MCF2L: variants seen among roughly 807,000 people sequenced by gnomAD.
MCF2L encodes guanine nucleotide exchange factor DBS.
Under a neutral mutation model 153.4 loss-of-function variants are expected in MCF2L, and 97 were observed. The observed-to-expected ratio is 0.63, with a 90% CI of 0.54 to 0.75. The LOEUF (loss-of-function observed/expected upper bound fraction) is 0.75, where lower values mean the gene tolerates loss of function less well. Ranked by LOEUF, MCF2L falls within the 30% of genes least tolerant of loss-of-function variation. MCF2L has a pLI of 0.00. For missense variants in MCF2L, 1,347 were observed against 1,495.2 expected (o/e 0.90, Z 1.64); for synonymous variants, 659 against 632.2 (o/e 1.04, Z -0.64).
intron 26 of MCF2L, chr13:113,090,733 AG>A: frequency 1.0e-6 from 1 of 985,498 alleles, no homozygotes; most frequent in Non-Finnish European, 1.2e-6. Flanking sequence ...AGCGTGGACA[AG>A]GGCTCTTTCC....
intron 3 of MCF2L, chr13:113,043,140 A>C (rs2086606009): frequency 6.6e-6 from 1 of 152,232 alleles, no homozygotes; most frequent in South Asian, 2.1e-4. Flanking sequence ...GTCCAGGGTG[A>C]TGCCTTTGCG....
In MCF2L at chr13:113,088,496, C is replaced by T. The variant is rs74115791; in HGVS notation, c.2768-66C>T. ...AGAGCAACCGCACAGTCCCCCCATG[C>T]GCAAGGTGCCTCGGCGTTGAAGTAA... On this transcript the variant is annotated intron_variant, in intron 24 of 29. Transcript: ENST00000535094. The T allele has an allele frequency of 4.6e-3, 7,442 of 1,604,636 alleles. 255 individuals carry two copies. In the African/African-American group the frequency reaches 0.075, roughly 16 times the overall value.
At chr13:113,039,205 G>C (rs9604013) in intron 3 of MCF2L, among the ~76,000 whole-genome samples, 1 of 152,228 alleles carries the variant, frequency 6.6e-6, no homozygotes, top group African/African-American at 2.4e-5. Flanking sequence ...TAGCACAGAG[G>C]GGGATGGACG....
intron 2 of MCF2L, among the ~76,000 whole-genome samples, chr13:112,935,883 A>T (rs1159428595): frequency 6.6e-6 from 1 of 152,156 alleles, no homozygotes; most frequent in Non-Finnish European, 1.5e-5. Context: ...GGAGGCCAAG[A>T]TGGGGTTGAT....
At chr13:112,912,371 A>AGTG (rs1471583691) in intron 2 of MCF2L, among the ~76,000 whole-genome samples, 2 of 151,786 alleles carry the variant, frequency 1.3e-5, no homozygotes, top group Non-Finnish European at 2.9e-5. Flanking sequence ...GCTGGAGTGC[A>AGTG]GTGGTGCAAT....
chr13:112,982,389 C>A (rs570387568), intron 1 of MCF2L, among the ~76,000 whole-genome samples: 1 of 152,180 alleles, frequency 6.6e-6, no homozygotes, highest in Non-Finnish European at 1.5e-5. Flanking sequence ...CTGGAGCCTG[C>A]GGACTGCAGG....
Position 113,046,842 on chromosome 13 carries a change from A to C in MCF2L, c.369+1481A>C, listed in dbSNP as rs1309039798. On this transcript the variant is annotated intron_variant, in intron 4 of 29. Transcript: ENST00000535094. This position sits in a 1 kb window ranked among gnomAD's most constrained non-coding sequence, Gnocchi z 4.4. ...CGCTTCAGGATGCTTCCAAAAAAGT[A>C]GACGTGTATAGAATCGGTCTTCCTT... 1.4e-5 allele frequency: 5 copies of C among 354,638 alleles called. No homozygotes were observed. The highest frequency in any genetic ancestry group is 2.8e-5 in the Non-Finnish European group (5 of 180,674). 22.0% of individuals were successfully genotyped at this position (354,638 alleles called of 1,614,324 possible). A position where few individuals can be genotyped will look rare whatever the true frequency, so the allele number is the denominator to read the frequency against.
chr13:112,902,907 C>G (rs540589752), intron 2 of MCF2L, among the ~76,000 whole-genome samples: 5 of 152,342 alleles, frequency 3.3e-5, no homozygotes, highest in Middle Eastern at 6.8e-3. Context: ...CAAGCTCAGC[C>G]TGACCTCCTG....
At chr13:112,998,267 G>C (rs1407372786) in intron 1 of MCF2L, among the ~76,000 whole-genome samples, 1 of 152,192 alleles carries the variant, frequency 6.6e-6, no homozygotes, top group Non-Finnish European at 1.5e-5. Context: ...GAACTTAAAC[G>C]TGTGAAAAAG....
At chr13:112,939,460 T>G (rs2081553665) in intron 2 of MCF2L, among the ~76,000 whole-genome samples, 2 of 152,204 alleles carry the variant, frequency 1.3e-5, no homozygotes, top group South Asian at 4.1e-4. Context: ...CAAAGTTGTC[T>G]CTTGGTTATC....
chr13:112,957,784 G>A (rs981145430), intron 2 of MCF2L: 12 of 152,186 alleles, frequency 7.9e-5, no homozygotes, highest in South Asian at 6.2e-4. Context: ...ATCCTAATGT[G>A]GGAATTCTGC....
intron 29 of MCF2L, 58 bp downstream of exon 29, chr13:113,096,711 G>A (rs1454202699): frequency 1.0e-5 from 16 of 1,553,988 alleles, no homozygotes; most frequent in Non-Finnish European, 1.3e-5. Flanking sequence ...GGGCGAGGAA[G>A]CTGCCCCGTG....
intron 2 of MCF2L, among the ~76,000 whole-genome samples, chr13:113,015,820 G>A (rs1218464870): frequency 6.6e-6 from 1 of 152,190 alleles, no homozygotes; most frequent in African/African-American, 2.4e-5. Context: ...AGAAAGCAGG[G>A]GGTCTCTGGA....
intron 2 of MCF2L, among the ~76,000 whole-genome samples, chr13:112,924,228 C>CA (rs1009869693): frequency 9.2e-5 from 14 of 152,110 alleles, no homozygotes; most frequent in African/African-American, 3.4e-4. Context: ...ACAACCCCCC[C>CA]ACGATGTGTC....
At position 113,027,167 on chromosome 13, in the gene MCF2L, G is replaced by A; in HGVS notation, c.278+2409G>A. On this transcript the variant is annotated intron_variant, in intron 3 of 29. Coordinates refer to ENST00000535094, the MANE Select transcript of MCF2L (RefSeq NM_001112732.3). This position sits in a 1 kb window ranked among gnomAD's most constrained non-coding sequence, Gnocchi z 4.8. ...TGCAGCCGTGGCCATTACCGTGAAGGTTCTTCATTCTTCAGTCTTTAAAGA... is the reference window on the plus strand; with the variant it reads ...TGCAGCCGTGGCCATTACCGTGAAGATTCTTCATTCTTCAGTCTTTAAAGA... 4.5e-6 allele frequency: 3 copies of A among 664,466 alleles called. No homozygotes were observed. The highest frequency in any genetic ancestry group is 1.6e-5 in the South Asian group (1 of 60,832). The allele number at this position is 664,466 out of a possible 1,614,324, so 41.2% of individuals were successfully genotyped here.
Position 112,902,855 on chromosome 13 carries a change from C to T in MCF2L, c.169+484C>T, listed in dbSNP as rs1198424971. Among the ~76,000 whole-genome samples the T allele has an allele frequency of 2.0e-5, 3 of 152,302 alleles. No individual in the cohort carries two copies. The South Asian group carries it at 6.2e-4, about 32-fold the overall frequency. On this transcript the variant is annotated intron_variant, in intron 2 of 29. Transcript: ENST00000375608. Reference sequence around the variant, plus strand: ...TGGGCGTCTGGAATTGGCTGTACCCCGAGGTGAGAGCTGGGCAGGCCTGGG... The same window carrying T: ...TGGGCGTCTGGAATTGGCTGTACCCTGAGGTGAGAGCTGGGCAGGCCTGGG...
chr13:113,051,423 G>A (rs2087317665), intron 4 of MCF2L, among the ~76,000 whole-genome samples: 1 of 152,224 alleles, frequency 6.6e-6, no homozygotes, highest in Non-Finnish European at 1.5e-5. Context: ...CCACGACGCT[G>A]AGAGCGTCTA....
intron 1 of MCF2L, chr13:112,985,163 C>G (rs2082584248): frequency 3.2e-6 from 1 of 313,774 alleles, no homozygotes; most frequent in Non-Finnish European, 6.4e-6. Flanking sequence ...GTCGCCTGGA[C>G]CTGCATGTAA....
At chr13:112,949,353 AGAG>A (rs1016071400) in intron 2 of MCF2L, among the ~76,000 whole-genome samples, 1 of 152,240 alleles carries the variant, frequency 6.6e-6, no homozygotes, top group African/African-American at 2.4e-5. Flanking sequence ...TCCAAAAAAT[AGAG>A]GAGGAGGCAA....
Sources: allele counts gnomAD v4.1 joint callset (sites outside exome capture counted in the v4.1 genomes callset), GRCh38; gene constraint gnomAD v4.1.1; non-coding constraint Gnocchi (gnomAD v3.1); transcripts MANE v1.5; gene names NCBI Gene and HGNC (gene_info 2026-07-23, HGNC 2026-07-21).